The following WWOX variants were observed in gnomAD, a reference collection of about 807,000 sequenced individuals.
The protein encoded by WWOX is WW domain containing oxidoreductase, also known as WW domain-containing oxidoreductase.
A neutral mutation model predicts 46.2 loss-of-function variants in WWOX; 69 were observed. The ratio of observed to expected loss-of-function variants is 1.49; its 90% CI spans 1.23 to 1.82. WWOX has a LOEUF of 1.82. Among genes scored for constraint, WWOX ranks in the 40% most tolerant of loss-of-function variants. WWOX has a pLI of 0.00. For synonymous variants in WWOX, 359 were observed against 202.6 expected (o/e 1.77, Z -6.56); for missense variants, 919 against 542.6 (o/e 1.69, Z -6.89).
intron 5 of WWOX, among the ~76,000 whole-genome samples, chr16:78,334,245 C>T (rs556379488): frequency 1.3e-5 from 2 of 152,306 alleles, no homozygotes; most frequent in Admixed American, 6.5e-5. Flanking sequence ...GTACAAAATT[C>T]ACTTTAGTTA....
At chr16:78,958,597 C>T (rs1041732754) in intron 8 of WWOX, among the ~76,000 whole-genome samples, 2 of 152,222 alleles carry the variant, frequency 1.3e-5, no homozygotes, top group African/African-American at 4.8e-5. Flanking sequence ...AGTGCTGCCC[C>T]TCTCTCCCAC....
At chr16:78,683,539 CA>C (rs71384376) in intron 8 of WWOX, among the ~76,000 whole-genome samples, 13 of 145,668 alleles carry the variant, frequency 8.9e-5, no homozygotes, top group East Asian at 4.1e-4. Flanking sequence ...GACTCTATCT[CA>C]AAAAAAAATA....
chr16:78,264,004 T>TTTTTTTTTG (rs2079306398), intron 5 of WWOX, among the ~76,000 whole-genome samples: 1 of 138,986 alleles, frequency 7.2e-6, no homozygotes, highest in African/African-American at 2.8e-5. Flanking sequence ...ATCTTTTTTT[T>TTTTTTTTTG]TTTTTTTTTT....
At chr16:78,575,036 T>A (rs1476705962) in intron 8 of WWOX, among the ~76,000 whole-genome samples, 15 of 2,684 alleles carry the variant, frequency 5.6e-3, no homozygotes, top group Non-Finnish European at 7.7e-3. Flanking sequence ...TATATATATA[T>A]ATATATATAT....
chr16:79,202,855 G>T (rs1314419297), intron 8 of WWOX: 1 of 152,148 alleles, frequency 6.6e-6, no homozygotes, highest in Non-Finnish European at 1.5e-5. Context: ...CAGCCTAATT[G>T]TATTTCCTAA....
At chr16:78,545,211 G>T (rs370746608) in intron 8 of WWOX, among the ~76,000 whole-genome samples, 3 of 152,110 alleles carry the variant, frequency 2.0e-5, no homozygotes, top group Admixed American at 6.6e-5. Context: ...GACTGCAAGG[G>T]TCAAAACTTT....
At chr16:78,673,553 A>G (rs1270334663) in intron 8 of WWOX, among the ~76,000 whole-genome samples, 3 of 152,130 alleles carry the variant, frequency 2.0e-5, no homozygotes, top group African/African-American at 7.2e-5. Context: ...AAGCTTCTGG[A>G]TGGTTGAAGG....
intron 8 of WWOX, among the ~76,000 whole-genome samples, chr16:78,671,377 A>G (rs2047459600): frequency 6.6e-6 from 1 of 152,188 alleles, no homozygotes; most frequent in South Asian, 2.1e-4. Flanking sequence ...GTCAGCTGAG[A>G]TTGTGCCACT....
At chr16:78,223,789 G>T (rs896768529) in intron 5 of WWOX, among the ~76,000 whole-genome samples, 1 of 152,156 alleles carries the variant, frequency 6.6e-6, no homozygotes, top group African/African-American at 2.4e-5. Flanking sequence ...TCACATGGCT[G>T]GCGTAATGGC....
In WWOX at chr16:78,332,495, G is replaced by A. The variant is rs988621620; in HGVS notation, c.517-54365G>A. On this transcript the variant is annotated intron_variant, in intron 5 of 8. Coordinates refer to ENST00000566780, the MANE Select transcript of WWOX (RefSeq NM_016373.4). ...AAAAGAAGGATGTTAAAGAAAACCC[G>A]AGATCTTTTGGGTACATGCTATAAG... is the stretch of plus-strand genomic sequence containing the variant. 2.0e-5 allele frequency among the ~76,000 whole-genome samples: 3 copies of A among 152,114 alleles called. 1 individual carries two copies. Among genetic ancestry groups the A allele is most frequent in the Non-Finnish European group, 4.4e-5 (3 of 68,022 alleles).
chr16:79,010,208 A>C (rs74032483), intron 8 of WWOX, among the ~76,000 whole-genome samples: 4,660 of 152,260 alleles, frequency 0.031, 233 homozygotes, highest in African/African-American at 0.11. Context: ...GGCTTTCACA[A>C]ATGCTTACCG....
At position 78,432,861 on chromosome 16, in the gene WWOX, A is replaced by C. The variant is rs3764342; in HGVS notation, c.1056+109A>C. ...CGGGCATGAGTCTGGTCTCAGTAAT[A>C]ACATTGTCCAGCCCATCATAAAGGG... On this transcript the variant is annotated intron_variant, in intron 8 of 8. Transcript: ENST00000566780. 232,913 of 1,534,208 alleles carry C rather than the reference A, an allele frequency of 0.15. 23,768 individuals are homozygous for C. The highest frequency in any genetic ancestry group is 0.46 in the African/African-American group (33,710 of 73,250).
chr16:79,014,960 G>C (rs2047383176), intron 8 of WWOX, among the ~76,000 whole-genome samples: 1 of 152,188 alleles, frequency 6.6e-6, no homozygotes, highest in Non-Finnish European at 1.5e-5. Flanking sequence ...TGTAGGAGAA[G>C]GATGTATCCA....
chr16:78,829,412 A>G (rs1352102916), intron 8 of WWOX, among the ~76,000 whole-genome samples: 2 of 152,216 alleles, frequency 1.3e-5, no homozygotes, highest in Admixed American at 6.5e-5. Context: ...ATCCACCCCT[A>G]CAGGGCAGGG....
At chr16:78,908,403 A>C (rs1166978663) in intron 8 of WWOX, among the ~76,000 whole-genome samples, 1 of 152,014 alleles carries the variant, frequency 6.6e-6, no homozygotes, top group Non-Finnish European at 1.5e-5. Context: ...AGCCAGGCGT[A>C]GTGGTAGGCG....
chr16:78,899,578 C>T (rs969273194), intron 8 of WWOX: 2 of 152,166 alleles, frequency 1.3e-5, no homozygotes, highest in East Asian at 1.9e-4. Flanking sequence ...GAGAAACACT[C>T]ATCCTGAACA....
At chr16:78,880,580 CA>C (rs1567622655) in intron 8 of WWOX, among the ~76,000 whole-genome samples, 2 of 152,186 alleles carry the variant, frequency 1.3e-5, no homozygotes, top group African/African-American at 4.8e-5. Context: ...GGTAGATAGG[CA>C]GGTTTTTGCA....
At chr16:79,100,189 A>G (rs1261383742) in intron 8 of WWOX, among the ~76,000 whole-genome samples, 3 of 152,204 alleles carry the variant, frequency 2.0e-5, no homozygotes, top group Admixed American at 6.5e-5. Flanking sequence ...ACTATAGCCT[A>G]GCCAGGGTGG....
At chr16:79,209,933 G>C (rs193277350) in intron 8 of WWOX, among the ~76,000 whole-genome samples, 4 of 152,298 alleles carry the variant, frequency 2.6e-5, no homozygotes, top group Admixed American at 2.6e-4. Context: ...CAAATCAATG[G>C]GAAAAGAAAC....
Sources: allele counts gnomAD v4.1 joint callset (sites outside exome capture counted in the v4.1 genomes callset), GRCh38; gene constraint gnomAD v4.1.1; transcripts MANE v1.5; gene names NCBI Gene and HGNC (gene_info 2026-07-23, HGNC 2026-07-21).